The following PPEF1 variants were observed in gnomAD, a reference collection of about 807,000 sequenced individuals.
The protein encoded by PPEF1 is serine/threonine-protein phosphatase with EF-hands 1.
A neutral mutation model predicts 53.3 loss-of-function variants in PPEF1; 12 were observed. The observed-to-expected ratio is 0.23, with a 90% CI of 0.14 to 0.36. The LOEUF (loss-of-function observed/expected upper bound fraction) is 0.36. Ranked by LOEUF, PPEF1 falls within the 10% of genes least tolerant of loss-of-function variation. The pLI is 1.00. For missense variants in PPEF1, 334 were observed against 490.4 expected, an observed-to-expected ratio of 0.68 and a Z score of 3.01; for synonymous variants, 165 against 176.7, an observed-to-expected ratio of 0.93 and a Z score of 0.52.
chrX:18,779,292 C>G, intron 7 of PPEF1, 116 bp downstream of exon 7: 1 of 705,217 alleles, frequency 1.4e-6, no homozygotes, highest in Non-Finnish European at 2.0e-6. Flanking sequence ...TGAGGGGGAT[C>G]TCAAGGAGGA....
intron 6 of PPEF1, among the ~76,000 whole-genome samples, chrX:18,776,790 G>A (rs1267757160): frequency 9.0e-6 from 1 of 111,134 alleles, no homozygotes; most frequent in African/African-American, 3.3e-5. Flanking sequence ...CGTGGTGGCA[G>A]GTGCCTGTAA....
At chrX:18,823,349 G>A (rs753867221) in intron 13 of PPEF1, among the ~76,000 whole-genome samples, 5 of 111,510 alleles carry the variant, frequency 4.5e-5, no homozygotes, top group Non-Finnish European at 5.6e-5. Context: ...CCTAGGCCGC[G>A]CATGGTGGCT....
chrX:18,761,543 G>A lies in PPEF1; in HGVS notation c.525G>A (p.Gly175=). 8.3e-7 allele frequency: 1 copy of A among 1,209,492 alleles called. No individual in the cohort carries two copies. The highest frequency in any genetic ancestry group is 1.8e-5 in the South Asian group (1 of 56,880). Residue 175 remains glycine (G), a synonymous_variant, in exon 6 of 16, where the codon GGG becomes GGA. Coordinates refer to ENST00000470157, the MANE Select transcript of PPEF1 (RefSeq NM_001377996.1). Reference sequence around the variant, plus strand: ...TTTGCACTGCAGGTGATTTGCATGGGAAACTGGATGATCTTTTTTTGATCT... The same window carrying A: ...TTTGCACTGCAGGTGATTTGCATGGAAAACTGGATGATCTTTTTTTGATCT... ...KEVTICGDLH[G]KLDDLFLIFY... is the part of the protein sequence containing the mutation.
intron 1 of PPEF1, among the ~76,000 whole-genome samples, chrX:18,723,603 G>A (rs1185189806): frequency 9.0e-6 from 1 of 111,180 alleles, no homozygotes; most frequent in Non-Finnish European, 1.9e-5. Flanking sequence ...TGCGGATGCA[G>A]CAATGAAAAA....
rs1225230928 is a variant in PPEF1, at chrX:18,753,293, A to G, written c.396+3341A>G. ...CTAATTTGTTGGTGTACAATTGTTC[A>G]TAGTATTCTCTCATAACCCTTTTTT... is the stretch of plus-strand genomic sequence containing the variant. On this transcript the variant is annotated intron_variant, in intron 4 of 15. Coordinates refer to ENST00000470157, the MANE Select transcript of PPEF1 (RefSeq NM_001377996.1). Among the ~76,000 whole-genome samples the G allele has an allele frequency of 2.7e-5, 3 of 111,807 alleles. No individual in the cohort carries two copies. The East Asian group carries it at 8.3e-4, about 31-fold the overall frequency.
intron 1 of PPEF1, among the ~76,000 whole-genome samples, chrX:18,715,497 G>A (rs1221845863): frequency 9.0e-6 from 1 of 111,331 alleles, no homozygotes; most frequent in Admixed American, 9.5e-5. Context: ...TCATGCCACT[G>A]CACTCCAGCC....
In PPEF1 at chrX:18,804,089, T is replaced by C. The variant is rs762746255; in HGVS notation, c.1251+12T>C. The C allele has an allele frequency of 1.6e-5, 19 of 1,179,182 alleles. No homozygotes were observed. Among genetic ancestry groups the C allele is most frequent in the Non-Finnish European group, 2.2e-5 (19 of 871,134 alleles). On this transcript the variant is annotated intron_variant, in intron 11 of 15. Coordinates refer to ENST00000470157, the MANE Select transcript of PPEF1 (RefSeq NM_001377996.1). ...GTCATGATGGGAAGGTAAGCTAAAA[T>C]TGTTGGTGACATTCCCATAAACATC... is the stretch of plus-strand genomic sequence containing the variant.
chrX:18,719,507 C>T (rs931569008), intron 1 of PPEF1, among the ~76,000 whole-genome samples: 5 of 109,754 alleles, frequency 4.6e-5, no homozygotes, highest in Admixed American at 9.7e-5. Flanking sequence ...CCACCATGCC[C>T]GGTTAATTGT....
At chrX:18,791,137 G>C (rs187681861) in intron 10 of PPEF1, among the ~76,000 whole-genome samples, 1 of 112,028 alleles carries the variant, frequency 8.9e-6, no homozygotes, top group Non-Finnish European at 1.9e-5. Context: ...TTTGATTACT[G>C]TAGCTTTGTG....
chrX:18,798,111 C>T (rs1405997179), intron 10 of PPEF1, among the ~76,000 whole-genome samples: 2 of 110,587 alleles, frequency 1.8e-5, no homozygotes, highest in Non-Finnish European at 3.8e-5. Flanking sequence ...GACAGAGTCT[C>T]ACTCCTGTAG....
At chrX:18,714,885 C>G (rs150244758) in intron 1 of PPEF1, among the ~76,000 whole-genome samples, 1,910 of 111,970 alleles carry the variant, frequency 0.017, 52 homozygotes, top group African/African-American at 0.059. Context: ...CACAGCAAGT[C>G]ACAGAGCCAA....
chrX:18,697,714 CAT>C (rs1465181763), intron 4 of PPEF1: 1 of 111,739 alleles, frequency 8.9e-6, no homozygotes, highest in Non-Finnish European at 1.9e-5. Flanking sequence ...AATATCCAAT[CAT>C]GTGTATTTTT....
At chrX:18,803,209 G>C (rs1470827465) in intron 10 of PPEF1, among the ~76,000 whole-genome samples, 2 of 112,737 alleles carry the variant, frequency 1.8e-5, no homozygotes, top group African/African-American at 6.4e-5. Context: ...TAAAGGAATA[G>C]GTTGGGCTTG....
chrX:18,717,720 G>A (rs1443496426), intron 1 of PPEF1, among the ~76,000 whole-genome samples: 1 of 111,143 alleles, frequency 9.0e-6, no homozygotes, highest in Non-Finnish European at 1.9e-5. Flanking sequence ...TTTCTTTTAG[G>A]TCTCTGCATG....
At chrX:18,825,633 T>G (rs1206350959) in intron 14 of PPEF1, 118 bp from the exon 15 acceptor site, 1 of 434,247 alleles carries the variant, frequency 2.3e-6, no homozygotes, top group African/African-American at 2.6e-5. Context: ...CTTCTCAGAT[T>G]TCTGTCTAAA....
chrX:18,745,146 A>T (rs1006531558), intron 3 of PPEF1, among the ~76,000 whole-genome samples: 3 of 94,946 alleles, frequency 3.2e-5, no homozygotes, highest in African/African-American at 3.9e-5. Flanking sequence ...TATTATATAT[A>T]TTATATATTA....
chrX:18,778,193 G>A (rs2046008069), intron 6 of PPEF1, among the ~76,000 whole-genome samples: 2 of 111,432 alleles, frequency 1.8e-5, no homozygotes, highest in Non-Finnish European at 3.8e-5. Context: ...TATCAAACAT[G>A]ACATCGAGAA....
intron 9 of PPEF1, among the ~76,000 whole-genome samples, chrX:18,788,086 G>A (rs2046247095): frequency 9.0e-6 from 1 of 111,633 alleles, no homozygotes; most frequent in South Asian, 3.7e-4. Flanking sequence ...GGAGGCCAAG[G>A]CGGGCGGATC....
chrX:18,711,277 G>A (rs1209094796), intron 1 of PPEF1, among the ~76,000 whole-genome samples: 1 of 87,374 alleles, frequency 1.1e-5, no homozygotes, highest in Non-Finnish European at 2.1e-5. Context: ...ATACATATGG[G>A]CATCCAGAAT....
Sources: allele counts gnomAD v4.1 joint callset (sites outside exome capture counted in the v4.1 genomes callset), GRCh38; gene constraint gnomAD v4.1.1; transcripts MANE v1.5; gene names NCBI Gene and HGNC (gene_info 2026-07-23, HGNC 2026-07-21).